The following CSMD1 variants were observed in gnomAD, a reference collection of about 807,000 sequenced individuals.
The protein encoded by CSMD1 is CUB and Sushi multiple domains 1.
A neutral mutation model predicts 417.5 loss-of-function variants in CSMD1; 213 were observed. That is an observed-to-expected ratio of 0.51 (90% CI 0.46 to 0.57). CSMD1 has a LOEUF of 0.57. CSMD1 is among the 20% of genes least tolerant of loss of function. CSMD1 has a pLI of 0.00. For missense variants in CSMD1, 6,923 were observed against 4,529.7 expected, an observed-to-expected ratio of 1.53 and a Z score of -15.17; for synonymous variants, 2,862 against 1,736.8, an observed-to-expected ratio of 1.65 and a Z score of -16.11.
chr8:4,546,805 GTTATAT>G (rs1283869883), intron 2 of CSMD1, among the ~76,000 whole-genome samples: 1 of 151,616 alleles, frequency 6.6e-6, no homozygotes, highest in Non-Finnish European at 1.5e-5. Flanking sequence ...TATATGCATA[GTTATAT>G]TTATAATTAT....
chr8:3,505,938 C>T (rs79021388), intron 10 of CSMD1, among the ~76,000 whole-genome samples: 10,118 of 152,174 alleles, frequency 0.066, 462 homozygotes, highest in Admixed American at 0.14. Context: ...AAAGAATGAT[C>T]TCCAAAAAGT....
Position 4,477,292 on chromosome 8 carries a change from T to G in CSMD1, c.303-57227A>C, listed in dbSNP as rs115363479. ...AAGGTGTGGACGGTGGAGGCTGAGC[T>G]GGTCCTCACCGTGGGGAAGCCGAGG... On this transcript the variant is annotated intron_variant, in intron 2 of 69. Coordinates refer to ENST00000635120, the MANE Select transcript of CSMD1 (RefSeq NM_033225.6). 2.3e-3 allele frequency among the ~76,000 whole-genome samples: 343 copies of G among 152,236 alleles called. 1 individual carries two copies. Among genetic ancestry groups the G allele is most frequent in the African/African-American group, 7.5e-3 (313 of 41,548 alleles).
At chr8:4,666,150 C>T (rs1255619404) in intron 1 of CSMD1, among the ~76,000 whole-genome samples, 2 of 152,150 alleles carry the variant, frequency 1.3e-5, no homozygotes, top group African/African-American at 4.8e-5. Context: ...TCATACAGCA[C>T]ATCCTGGGAT....
chr8:3,644,413 A>G (rs1477122465), intron 7 of CSMD1, among the ~76,000 whole-genome samples: 1 of 152,224 alleles, frequency 6.6e-6, no homozygotes. Flanking sequence ...CCTCGCATTT[A>G]CAGTTTCCTC....
At chr8:4,412,301 C>G (rs1176517179) in intron 3 of CSMD1, among the ~76,000 whole-genome samples, 2 of 152,174 alleles carry the variant, frequency 1.3e-5, no homozygotes, top group East Asian at 1.9e-4. Flanking sequence ...CTCTCGGTTG[C>G]TCTCCTGGAC....
intron 3 of CSMD1, among the ~76,000 whole-genome samples, chr8:4,417,916 G>A (rs1041756120): frequency 1.3e-5 from 2 of 151,822 alleles, no homozygotes; most frequent in Non-Finnish European, 2.9e-5. Context: ...AAAGTATTTG[G>A]TACTTGCAAT....
chr8:4,208,807 C>T (rs192380961), intron 3 of CSMD1, among the ~76,000 whole-genome samples: 22 of 152,198 alleles, frequency 1.4e-4, no homozygotes, highest in Admixed American at 3.9e-4. Flanking sequence ...GAAAACTGTC[C>T]GGTTTTACAG....
chr8:2,980,253 T>C (rs904809603), intron 54 of CSMD1, among the ~76,000 whole-genome samples: 2 of 152,186 alleles, frequency 1.3e-5, no homozygotes, highest in Admixed American at 1.3e-4. Context: ...CCACTAAGGA[T>C]GACCGAGAGA....
At chr8:4,130,203 A>T (rs1022443772) in intron 3 of CSMD1, among the ~76,000 whole-genome samples, 1 of 152,158 alleles carries the variant, frequency 6.6e-6, no homozygotes, top group Non-Finnish European at 1.5e-5. Context: ...TGAGTGGCTC[A>T]GGGTCCCTCA....
intron 54 of CSMD1, among the ~76,000 whole-genome samples, chr8:2,995,595 C>T (rs1418502652): frequency 6.6e-6 from 1 of 152,152 alleles, no homozygotes; most frequent in Admixed American, 6.5e-5. Context: ...AAATCGTGTT[C>T]ATAACAGCTC....
chr8:3,328,819 TTA>T (rs1325404971), intron 23 of CSMD1, among the ~76,000 whole-genome samples: 3 of 152,222 alleles, frequency 2.0e-5, no homozygotes, highest in Non-Finnish European at 4.4e-5. Flanking sequence ...GGGGAATTAG[TTA>T]TATATGATAT....
At chr8:3,507,198 G>T (rs1472344810) in intron 10 of CSMD1, among the ~76,000 whole-genome samples, 1 of 152,152 alleles carries the variant, frequency 6.6e-6, no homozygotes, top group Non-Finnish European at 1.5e-5. Context: ...GAATCATCAT[G>T]AAATCTATTT....
intron 1 of CSMD1, among the ~76,000 whole-genome samples, chr8:4,962,740 G>C (rs1809591128): frequency 6.6e-6 from 1 of 152,168 alleles, no homozygotes; most frequent in African/African-American, 2.4e-5. Context: ...GGAGAAGCCA[G>C]TCTAGCTGCC....
At chr8:3,345,924 G>T (rs1283396544) in intron 22 of CSMD1, among the ~76,000 whole-genome samples, 1 of 152,114 alleles carries the variant, frequency 6.6e-6, no homozygotes, top group African/African-American at 2.4e-5. Context: ...CTGAGAGCTC[G>T]ATATCTCTTA....
chr8:3,577,792 C>T (rs781595159), intron 9 of CSMD1, among the ~76,000 whole-genome samples: 27 of 152,300 alleles, frequency 1.8e-4, no homozygotes, highest in African/African-American at 4.1e-4. Flanking sequence ...TCTGATGATG[C>T]GCCCCCTATT....
chr8:4,393,227 C>G (rs775488854), intron 3 of CSMD1, among the ~76,000 whole-genome samples: 9 of 152,130 alleles, frequency 5.9e-5, no homozygotes, highest in Admixed American at 2.0e-4. Flanking sequence ...CTACCCACAT[C>G]AGCCTCCCAA....
intron 3 of CSMD1, among the ~76,000 whole-genome samples, chr8:4,391,905 T>A (rs1803872959): frequency 6.6e-6 from 1 of 152,190 alleles, no homozygotes; most frequent in Non-Finnish European, 1.5e-5. Context: ...TCTTTTCAGA[T>A]GTCTTAGAAC....
At chr8:3,878,885 A>G (rs1280088364) in intron 5 of CSMD1, among the ~76,000 whole-genome samples, 2 of 152,232 alleles carry the variant, frequency 1.3e-5, no homozygotes, top group Admixed American at 1.3e-4. Context: ...TTAATTATTC[A>G]CCAATATCAC....
intron 3 of CSMD1, among the ~76,000 whole-genome samples, chr8:4,057,426 G>T (rs140903338): frequency 1.3e-5 from 2 of 151,956 alleles, no homozygotes; most frequent in African/African-American, 4.8e-5. Flanking sequence ...GTAGATTCTG[G>T]ATGTTAGCCC....
Sources: allele counts gnomAD v4.1 joint callset (sites outside exome capture counted in the v4.1 genomes callset), GRCh38; gene constraint gnomAD v4.1.1; transcripts MANE v1.5; gene names NCBI Gene and HGNC (gene_info 2026-07-23, HGNC 2026-07-21).